The following KCNH1 variants were observed in gnomAD, a reference collection of about 807,000 sequenced individuals.
KCNH1 encodes potassium voltage-gated channel subfamily H member 1.
A neutral mutation model predicts 69.2 loss-of-function variants in KCNH1; 27 were observed. That is an observed-to-expected ratio of 0.39 (90% confidence interval 0.29 to 0.54). The LOEUF is 0.54. Ranked by LOEUF, KCNH1 falls within the 20% of genes least tolerant of loss-of-function variation. KCNH1 has a pLI of 0.68. For missense variants in KCNH1, 798 were observed against 1,261.6 expected, an observed-to-expected ratio of 0.63 and a Z score of 5.57; for synonymous variants, 456 against 487.7, an observed-to-expected ratio of 0.93 and a Z score of 0.86.
At chr1:210,802,931 A>G (rs1558476073) in intron 8 of KCNH1, among the ~76,000 whole-genome samples, 2 of 152,158 alleles carry the variant, frequency 1.3e-5, no homozygotes, top group Admixed American at 1.3e-4. Flanking sequence ...ACAAAAAAAA[A>G]GAGTAACTCC....
intron 7 of KCNH1, among the ~76,000 whole-genome samples, chr1:210,896,568 C>T (rs1399319906): frequency 1.3e-5 from 2 of 152,168 alleles, no homozygotes; most frequent in Non-Finnish European, 1.5e-5. Flanking sequence ...CCTGGCTGGA[C>T]CCTAGACCCT....
At chr1:210,887,875 A>G (rs1004391007) in intron 7 of KCNH1, among the ~76,000 whole-genome samples, 4 of 152,184 alleles carry the variant, frequency 2.6e-5, no homozygotes, top group African/African-American at 9.7e-5. Flanking sequence ...CTAAATATAT[A>G]TATGCACTCA....
chr1:211,005,020 G>A (rs115171163), intron 6 of KCNH1, among the ~76,000 whole-genome samples: 1,773 of 151,938 alleles, frequency 0.012, 39 homozygotes, highest in African/African-American at 0.04. Context: ...TTGTAGAGGG[G>A]GAAGAAAGAG....
intron 6 of KCNH1, among the ~76,000 whole-genome samples, chr1:210,983,880 GAT>G (rs1317170001): frequency 2.6e-5 from 4 of 152,132 alleles, no homozygotes; most frequent in African/African-American, 9.7e-5. Flanking sequence ...CCATTTTCGT[GAT>G]ATTGATTCTT....
intron 1 of KCNH1, among the ~76,000 whole-genome samples, chr1:211,126,938 A>G (rs1160916311): frequency 6.6e-6 from 1 of 150,882 alleles, no homozygotes; most frequent in East Asian, 2.0e-4. Flanking sequence ...TGGTTATCCC[A>G]CACCCAACCT....
In KCNH1 at chr1:211,131,590, T is replaced by C. The variant is rs940759711; in HGVS notation, c.79+2277A>G. ...ACCGTAATGTCCAAAAAAGGGCTCA[T>C]GGATTTTAGAATGAGACAATCAATA... On this transcript the variant is annotated intron_variant, in intron 1 of 10. Transcript: ENST00000271751. 3.3e-5 allele frequency among the ~76,000 whole-genome samples: 5 copies of C among 152,350 alleles called. No homozygotes were observed. In the East Asian group the frequency reaches 7.7e-4, roughly 23 times the overall value.
chr1:211,101,225 A>G (rs1009352260), intron 3 of KCNH1, among the ~76,000 whole-genome samples: 4 of 152,124 alleles, frequency 2.6e-5, no homozygotes, highest in African/African-American at 9.7e-5. Flanking sequence ...CACTGTGTCT[A>G]TCTCTTCATA....
At chr1:211,009,587 T>A (rs1332644979) in intron 6 of KCNH1, among the ~76,000 whole-genome samples, 2 of 146,824 alleles carry the variant, frequency 1.4e-5, no homozygotes, top group Non-Finnish European at 3.0e-5. Flanking sequence ...TGGGAGTATA[T>A]GTAAGTTATT....
chr1:211,123,675 T>C (rs969410672), intron 1 of KCNH1, among the ~76,000 whole-genome samples: 3 of 151,316 alleles, frequency 2.0e-5, no homozygotes, highest in African/African-American at 7.3e-5. Context: ...AGCGAGGGAA[T>C]GAAGGGACAT....
chr1:210,718,113 C>A, intron 10 of KCNH1, among the ~76,000 whole-genome samples: 1 of 148,224 alleles, frequency 6.7e-6, no homozygotes, highest in African/African-American at 2.5e-5. Context: ...TCTCAGAAAA[C>A]AAAAACAAAA....
chr1:210,863,062 G>A (rs568342785), intron 7 of KCNH1, among the ~76,000 whole-genome samples: 50 of 152,262 alleles, frequency 3.3e-4, no homozygotes, highest in African/African-American at 1.1e-3. Context: ...GAAGAAAGCC[G>A]CATCACTTAT....
intron 9 of KCNH1, among the ~76,000 whole-genome samples, chr1:210,796,802 G>A (rs1442705441): frequency 6.6e-6 from 1 of 151,878 alleles, no homozygotes; most frequent in Admixed American, 6.6e-5. Context: ...CTTCCACCTG[G>A]TCTCCTTACC....
intron 6 of KCNH1, among the ~76,000 whole-genome samples, chr1:210,951,405 C>T (rs1426177605): frequency 6.6e-6 from 1 of 152,170 alleles, no homozygotes; most frequent in Non-Finnish European, 1.5e-5. Flanking sequence ...GTTCTTGATG[C>T]TTTAGGAGCA....
chr1:211,066,491 G>T (rs1417161428), intron 5 of KCNH1, among the ~76,000 whole-genome samples: 1 of 152,022 alleles, frequency 6.6e-6, no homozygotes, highest in African/African-American at 2.4e-5. Context: ...ATAATATTGT[G>T]CATGAAACAG....
intron 5 of KCNH1, among the ~76,000 whole-genome samples, chr1:211,030,728 T>C (rs1470272669): frequency 6.6e-6 from 1 of 152,048 alleles, no homozygotes; most frequent in African/African-American, 2.4e-5. Flanking sequence ...ACCAAAAGCA[T>C]AATCCATAAA....
intron 6 of KCNH1, among the ~76,000 whole-genome samples, chr1:210,968,701 T>TAAG (rs1688456858): frequency 6.6e-6 from 1 of 152,070 alleles, no homozygotes; most frequent in African/African-American, 2.4e-5. Context: ...CTTCGCCCAC[T>TAAG]TTTTGATGGG....
At chr1:210,694,184 C>A (rs1410286207) in intron 10 of KCNH1, among the ~76,000 whole-genome samples, 3 of 150,510 alleles carry the variant, frequency 2.0e-5, no homozygotes, top group Admixed American at 2.0e-4. Flanking sequence ...AGAATGAAGA[C>A]CATGCCGGTA....
chr1:210,748,804 C>A (rs917623280), intron 10 of KCNH1, among the ~76,000 whole-genome samples: 1 of 152,178 alleles, frequency 6.6e-6, no homozygotes, highest in Non-Finnish European at 1.5e-5. Flanking sequence ...CTCCTGTCAC[C>A]CTTGAGTCCT....
intron 7 of KCNH1, among the ~76,000 whole-genome samples, chr1:210,844,967 A>G (rs1685504864): frequency 6.6e-6 from 1 of 152,220 alleles, no homozygotes; most frequent in Admixed American, 6.5e-5. Flanking sequence ...CAAATAAACT[A>G]GAAAATCTAG....
Sources: gnomAD v4.1 joint callset for allele counts (sites outside exome capture counted in the v4.1 genomes callset) on GRCh38, gnomAD v4.1.1 for gene constraint, MANE v1.5 for transcripts, NCBI Gene and HGNC (gene_info 2026-07-23, HGNC 2026-07-21) for gene names.